NTRK2: variants seen among roughly 807,000 people sequenced by gnomAD.
The protein encoded by NTRK2 is neurotrophic receptor tyrosine kinase 2, also known as BDNF/NT-3 growth factors receptor.
A neutral mutation model predicts 94.5 loss-of-function variants in NTRK2; 13 were observed. The ratio of observed to expected loss-of-function variants is 0.14; its 90% CI spans 0.09 to 0.22. NTRK2 has a LOEUF of 0.22. Ranked by LOEUF, NTRK2 falls within the 10% of genes least tolerant of loss-of-function variation. The pLI, the probability that NTRK2 is intolerant of heterozygous loss-of-function variation, is 1.00. For synonymous variants in NTRK2, 372 were observed against 407.4 expected (o/e 0.91, Z 1.05); for missense variants, 639 against 1,071.2 (o/e 0.60, Z 5.63).
At chr9:84,840,020 T>C (rs1179974317) in intron 12 of NTRK2, among the ~76,000 whole-genome samples, 1 of 152,082 alleles carries the variant, frequency 6.6e-6, no homozygotes, top group Non-Finnish European at 1.5e-5. Context: ...GTTCTTTCCC[T>C]TTCTTCCTCC....
intron 17 of NTRK2, among the ~76,000 whole-genome samples, chr9:84,997,960 G>A (rs4347061): frequency 0.73 from 110,921 of 152,014 alleles, 41,116 homozygotes; most frequent in African/African-American, 0.82. Flanking sequence ...TGTGATAACC[G>A]GCTCTCTGTG....
chr9:84,676,169 G>A (rs1008888463), intron 2 of NTRK2, among the ~76,000 whole-genome samples: 10 of 152,180 alleles, frequency 6.6e-5, no homozygotes, highest in African/African-American at 2.4e-4. Flanking sequence ...ATGTTTCTGG[G>A]CCTCAGCTTG....
chr9:84,870,474 C>A (rs1182282375), intron 14 of NTRK2, among the ~76,000 whole-genome samples: 1 of 149,766 alleles, frequency 6.7e-6, no homozygotes, highest in Admixed American at 6.7e-5. Flanking sequence ...GTAGCTAGGA[C>A]TCTAGGTACA....
At chr9:85,004,478 G>A (rs1830742136) in intron 17 of NTRK2, among the ~76,000 whole-genome samples, 1 of 152,146 alleles carries the variant, frequency 6.6e-6, no homozygotes. Flanking sequence ...GCTATTTCAA[G>A]AAATGGATTA....
chr9:85,005,562 T>C (rs1041896913), intron 17 of NTRK2, among the ~76,000 whole-genome samples: 6 of 152,146 alleles, frequency 3.9e-5, no homozygotes, highest in African/African-American at 9.7e-5. Flanking sequence ...TAAATATAGA[T>C]GTAGATACAG....
At chr9:84,678,609 T>C (rs1318048984) in intron 2 of NTRK2, among the ~76,000 whole-genome samples, 1 of 152,186 alleles carries the variant, frequency 6.6e-6, no homozygotes, top group Non-Finnish European at 1.5e-5. Context: ...CTTATTCCTC[T>C]GTGTGATGCA....
At chr9:84,912,359 C>A (rs1007429958) in intron 14 of NTRK2, among the ~76,000 whole-genome samples, 16 of 152,204 alleles carry the variant, frequency 1.1e-4, no homozygotes, top group African/African-American at 3.6e-4. Flanking sequence ...AAGTCTCCAA[C>A]TATAATTGTG....
chr9:84,995,691 A>G (rs1829671129), intron 17 of NTRK2, among the ~76,000 whole-genome samples: 2 of 152,160 alleles, frequency 1.3e-5, no homozygotes, highest in Admixed American at 6.6e-5. Context: ...TAAATATACT[A>G]CATATATAAA....
At chr9:84,722,841 T>C (rs891470567) in intron 6 of NTRK2, among the ~76,000 whole-genome samples, 1 of 152,260 alleles carries the variant, frequency 6.6e-6, no homozygotes, top group African/African-American at 2.4e-5. Flanking sequence ...AAGTTTCATC[T>C]GATAAATACA....
chr9:84,894,051 A>G (rs76936913), intron 14 of NTRK2, among the ~76,000 whole-genome samples: 1,596 of 152,180 alleles, frequency 0.01, 34 homozygotes, highest in African/African-American at 0.037. Flanking sequence ...TATGTTCCCA[A>G]GTCTGGGTCT....
intron 12 of NTRK2, among the ~76,000 whole-genome samples, chr9:84,839,068 C>T (rs1242379114): frequency 6.6e-6 from 1 of 152,188 alleles, no homozygotes; most frequent in African/African-American, 2.4e-5. Context: ...TTAACACTCA[C>T]ATTTGCACTG....
chr9:84,735,068 G>T (rs2132201165), intron 9 of NTRK2, among the ~76,000 whole-genome samples: 1 of 151,908 alleles, frequency 6.6e-6, no homozygotes, highest in Non-Finnish European at 1.5e-5. Flanking sequence ...CAATATTTAG[G>T]TACCTGGCTA....
intron 12 of NTRK2, among the ~76,000 whole-genome samples, chr9:84,847,440 T>C (rs1435307191): frequency 6.6e-6 from 1 of 152,212 alleles, no homozygotes; most frequent in East Asian, 1.9e-4. Flanking sequence ...TGTGGCTTGA[T>C]GCAAGGCCCA....
intron 2 of NTRK2, among the ~76,000 whole-genome samples, chr9:84,676,248 A>T (rs2059044279): frequency 6.6e-6 from 1 of 152,144 alleles, no homozygotes; most frequent in Non-Finnish European, 1.5e-5. Flanking sequence ...AGTTCCCTGA[A>T]GCCTCGGTCA....
intron 9 of NTRK2, among the ~76,000 whole-genome samples, chr9:84,734,904 AG>A (rs1352469977): frequency 1.3e-5 from 2 of 152,134 alleles, no homozygotes; most frequent in Non-Finnish European, 2.9e-5. Flanking sequence ...CACCTTTCAG[AG>A]GGTGGGTCAG....
intron 14 of NTRK2, among the ~76,000 whole-genome samples, chr9:84,883,550 GT>G (rs1221867061): frequency 6.6e-6 from 1 of 152,160 alleles, no homozygotes; most frequent in Non-Finnish European, 1.5e-5. Context: ...CATGGTTCTT[GT>G]TTTTGCATAA....
chr9:85,012,027 C>T (rs911711833), intron 17 of NTRK2, among the ~76,000 whole-genome samples: 1 of 123,192 alleles, frequency 8.1e-6, no homozygotes, highest in Admixed American at 8.7e-5. Flanking sequence ...CTCACTCTGT[C>T]ACCCAGGCTG....
chr9:84,996,484 T>C (rs1231496063), intron 17 of NTRK2, among the ~76,000 whole-genome samples: 2 of 152,218 alleles, frequency 1.3e-5, no homozygotes, highest in African/African-American at 4.8e-5. Context: ...GTGGAACTTC[T>C]TCCTTCTATC....
intron 2 of NTRK2, among the ~76,000 whole-genome samples, chr9:84,681,227 C>A (rs2059369433): frequency 6.6e-6 from 1 of 152,142 alleles, no homozygotes; most frequent in South Asian, 2.1e-4. Flanking sequence ...TGTCACACTT[C>A]TTATTTCTAA....
Sources: allele counts gnomAD v4.1 joint callset (sites outside exome capture counted in the v4.1 genomes callset), GRCh38; gene constraint gnomAD v4.1.1; transcripts MANE v1.5; gene names NCBI Gene and HGNC (gene_info 2026-07-23, HGNC 2026-07-21).